The following RIN2 variants were observed in gnomAD, a reference collection of about 807,000 sequenced individuals.
RIN2 encodes the protein Ras and Rab interactor 2.
Under a neutral mutation model 78.0 loss-of-function variants are expected in RIN2, and 36 were observed. The ratio of observed to expected loss-of-function variants is 0.46; its 90% CI spans 0.35 to 0.61. The LOEUF is 0.61. RIN2 is among the 20% of genes least tolerant of loss of function. The pLI is 0.00. For missense variants in RIN2, 1,087 were observed against 1,159.7 expected, an observed-to-expected ratio of 0.94 and a Z score of 0.91; for synonymous variants, 466 against 466.8, an observed-to-expected ratio of 1.00 and a Z score of 0.02.
chr20:19,936,184 C>G (rs2040636128), intron 4 of RIN2, among the ~76,000 whole-genome samples: 1 of 152,222 alleles, frequency 6.6e-6, no homozygotes, highest in African/African-American at 2.4e-5. Flanking sequence ...AGCACTCACC[C>G]TTAATTCTCT....
At chr20:19,772,050 C>T (rs2034146225) in intron 1 of RIN2, among the ~76,000 whole-genome samples, 1 of 152,142 alleles carries the variant, frequency 6.6e-6, no homozygotes, top group Non-Finnish European at 1.5e-5. Flanking sequence ...AACAGATGCG[C>T]GCTCTCAGTT....
chr20:19,914,585 A>G (rs993694684), intron 3 of RIN2, among the ~76,000 whole-genome samples: 1 of 152,212 alleles, frequency 6.6e-6, no homozygotes. Flanking sequence ...CTCAGCACCC[A>G]CTATGTAGCC....
At chr20:19,889,100 C>A in intron 2 of RIN2, 1 of 985,102 alleles carries the variant, frequency 1.0e-6, no homozygotes, top group Non-Finnish European at 1.2e-6. Flanking sequence ...TTCTGTTGAC[C>A]TTGCCTGGGG....
chr20:19,867,008 A>T (rs999862085), intron 2 of RIN2, among the ~76,000 whole-genome samples: 4 of 150,992 alleles, frequency 2.6e-5, no homozygotes, highest in Non-Finnish European at 5.9e-5. Flanking sequence ...GTTTATTTTT[A>T]TTTTTTTTTT....
chr20:19,884,503 C>A lies in RIN2; in HGVS notation c.-36-5063C>A, dbSNP rs568487101. Among the ~76,000 whole-genome samples, 32 of 152,242 alleles carry A rather than the reference C, an allele frequency of 2.1e-4. 1 individual carries two copies. Among genetic ancestry groups the A allele is most frequent in the Admixed American group, 1.4e-3 (21 of 15,292 alleles). On this transcript the variant is annotated intron_variant, in intron 2 of 12. Coordinates refer to ENST00000255006, the MANE Select transcript of RIN2 (RefSeq NM_018993.4). ...GAATACAGTTCTTTCCATATGACTT[C>A]TTTCTTTCTCGTAAATTAGCTTGTC...
chr20:19,771,794 A>T (rs1382912651), intron 1 of RIN2, among the ~76,000 whole-genome samples: 1 of 151,756 alleles, frequency 6.6e-6, no homozygotes, highest in Non-Finnish European at 1.5e-5. Context: ...TGCTTTCACA[A>T]CCCACTAATG....
chr20:19,964,127 G>A (rs1600968712), intron 6 of RIN2, among the ~76,000 whole-genome samples: 1 of 152,140 alleles, frequency 6.6e-6, no homozygotes, highest in Admixed American at 6.5e-5. Context: ...GCCTCACAAA[G>A]TGCTGGGATT....
chr20:19,949,615 T>C (rs2041233914), intron 4 of RIN2, among the ~76,000 whole-genome samples: 1 of 152,258 alleles, frequency 6.6e-6, no homozygotes, highest in Non-Finnish European at 1.5e-5. Flanking sequence ...CACATTTCTG[T>C]GTATTTTTGC....
intron 3 of RIN2, among the ~76,000 whole-genome samples, chr20:19,929,906 G>C (rs182187659): frequency 3.5e-4 from 54 of 152,300 alleles, no homozygotes; most frequent in Non-Finnish European, 6.2e-4. Context: ...CGTCAGAGGG[G>C]AGGAAGTGTT....
chr20:19,995,404 A>C (rs552092967), intron 11 of RIN2, among the ~76,000 whole-genome samples: 3 of 152,298 alleles, frequency 2.0e-5, no homozygotes, highest in African/African-American at 7.2e-5. Flanking sequence ...GAATGTCTCT[A>C]AATCTAAAAT....
intron 3 of RIN2, chr20:19,934,531 C>A (rs1225394537): frequency 1.0e-6 from 1 of 985,104 alleles, no homozygotes; most frequent in Non-Finnish European, 1.2e-6. Flanking sequence ...CTCACTCAGT[C>A]CTTTCTCTTC....
chr20:19,844,630 CTTCTTCTTCTTCTTCTT>C lies in RIN2; in HGVS notation c.-37+44884_-37+44900del, dbSNP rs2036693004. On this transcript the variant is annotated intron_variant, in intron 2 of 12. Transcript: ENST00000255006. The stretch of plus-strand genomic sequence containing the variant: ...TCTTCTTCTTCTTCTTCTTCTTCTT[CTTCTTCTTCTTCTTCTT>C]CTTCTTCTTCTTCTTCTTCTTCCTT... Among the ~76,000 whole-genome samples, 2 of 128,714 alleles carry C rather than the reference CTTCTTCTTCTTCTTCTT, an allele frequency of 1.6e-5. 1 individual carries two copies. The highest frequency in any genetic ancestry group is 7.3e-5 in the African/African-American group (2 of 27,484). 84.4% of individuals were successfully genotyped at this position (128,714 alleles called of 152,430 possible). A position where few individuals can be genotyped will look rare whatever the true frequency, so the allele number is the denominator to read the frequency against.
intron 3 of RIN2, among the ~76,000 whole-genome samples, chr20:19,900,268 G>C (rs1300968898): frequency 6.6e-6 from 1 of 152,060 alleles, no homozygotes; most frequent in Non-Finnish European, 1.5e-5. Flanking sequence ...CAGATCACTT[G>C]AGGTCAGGAG....
chr20:19,824,493 C>T (rs988530721), intron 2 of RIN2, among the ~76,000 whole-genome samples: 6 of 151,624 alleles, frequency 4.0e-5, no homozygotes, highest in Non-Finnish European at 7.4e-5. Flanking sequence ...TCTAGTGACA[C>T]TCATGTCCTT....
chr20:19,996,598 C>A, intron 11 of RIN2, 81 bp from the exon 12 acceptor site: 3 of 1,390,034 alleles, frequency 2.2e-6, no homozygotes, highest in Non-Finnish European at 3.1e-6. Context: ...ACAAAACATG[C>A]CTTCTAACGC....
At chr20:19,805,248 G>T (rs1040249158) in intron 2 of RIN2, among the ~76,000 whole-genome samples, 2 of 152,152 alleles carry the variant, frequency 1.3e-5, no homozygotes, top group Non-Finnish European at 2.9e-5. Context: ...CATACGGAGG[G>T]CAAAGAGGCC....
rs374812358 is a variant in RIN2 at position 19,889,627 on chromosome 20, G to A, written c.26G>A (p.Arg9His). The A allele has an allele frequency of 3.7e-5, 58 of 1,548,782 alleles. No individual in the cohort carries two copies. Among genetic ancestry groups the A allele is most frequent in the Non-Finnish European group, 4.4e-5 (50 of 1,145,630 alleles). Residue 9 changes from arginine (R) to histidine (H), a missense_variant, in exon 3 of 13, where the codon CGC becomes CAC. Coordinates refer to ENST00000255006, the MANE Select transcript of RIN2 (RefSeq NM_018993.4). Reference protein sequence around the residue: MTAWTMGARGLDKRGSFFK... With the variant: MTAWTMGAHGLDKRGSFFK... ...ATGACAGCTTGGACCATGGGCGCCC[G>A]CGGTCTGGACAAGCGAGGAAGTTTC...
intron 2 of RIN2, among the ~76,000 whole-genome samples, chr20:19,862,027 C>T (rs2037360555): frequency 1.3e-5 from 2 of 151,806 alleles, no homozygotes; most frequent in African/African-American, 2.4e-5. Flanking sequence ...TGATCACCCT[C>T]CATATCTGAT....
At position 19,856,444 on chromosome 20, in the gene RIN2, G is replaced by A. The variant is rs146483758; in HGVS notation, c.-36-33122G>A. Reference sequence around the variant, plus strand: ...GCTACTCCAGAGGCTGAGGTGGGAGGATCGCTTGAGCCCAGGAGTTCAAGA... The same window carrying A: ...GCTACTCCAGAGGCTGAGGTGGGAGAATCGCTTGAGCCCAGGAGTTCAAGA... On this transcript the variant is annotated intron_variant, in intron 2 of 12. Coordinates refer to ENST00000255006, the MANE Select transcript of RIN2 (RefSeq NM_018993.4). Among the ~76,000 whole-genome samples, 239 of 151,950 alleles carry A rather than the reference G, an allele frequency of 1.6e-3. 1 individual carries two copies. Among genetic ancestry groups the A allele is most frequent in the African/African-American group, 5.6e-3 (230 of 41,430 alleles).
Sources: allele counts gnomAD v4.1 joint callset (sites outside exome capture counted in the v4.1 genomes callset), GRCh38; gene constraint gnomAD v4.1.1; transcripts MANE v1.5; gene names NCBI Gene and HGNC (gene_info 2026-07-23, HGNC 2026-07-21).